The following AGAP1 variants were observed in gnomAD, a reference collection of about 807,000 sequenced individuals.
AGAP1 encodes arf-GAP with GTPase, ANK repeat and PH domain-containing protein 1.
AGAP1 carries 29 observed loss-of-function variants against 105.3 expected under a neutral mutation model. The observed-to-expected ratio is 0.28, with a 90% CI of 0.21 to 0.38. AGAP1 has a LOEUF of 0.38. Ranked by LOEUF, AGAP1 falls within the 10% of genes least tolerant of loss-of-function variation. The pLI, the probability that AGAP1 is intolerant of heterozygous loss-of-function variation, is 1.00. For missense variants in AGAP1, 998 were observed against 1,165.1 expected, an observed-to-expected ratio of 0.86 and a Z score of 2.09; for synonymous variants, 509 against 485.9, an observed-to-expected ratio of 1.05 and a Z score of -0.63.
intron 12 of AGAP1, among the ~76,000 whole-genome samples, chr2:235,947,508 TTTGCAATTGCAAATTA>T (rs1325206376): frequency 2.4e-4 from 36 of 152,376 alleles, no homozygotes; most frequent in Non-Finnish European, 4.6e-4. Flanking sequence ...GTTCCGTATT[TTTGCAATTGCAAATTA>T]TGCTGCTATA....
intron 7 of AGAP1, among the ~76,000 whole-genome samples, 162 bp downstream of exon 7, chr2:235,798,048 A>G (rs1443945456): frequency 6.6e-6 from 1 of 152,182 alleles, no homozygotes; most frequent in African/African-American, 2.4e-5. Context: ...GCTGTGGCCA[A>G]GTGATTTTTA....
In AGAP1 at chr2:235,728,326, T is replaced by TGTGTGTGTGTGTGTGTGCGTGCGCGC. The variant is rs986896995; in HGVS notation, c.310+10683_310+10684insTGTGTGTGTGTGTGTGCGTGCGCGCG. Among the ~76,000 whole-genome samples, 1 of 151,628 alleles carries TGTGTGTGTGTGTGTGTGCGTGCGCGC rather than the reference T, an allele frequency of 6.6e-6. No homozygotes were observed. Among genetic ancestry groups the TGTGTGTGTGTGTGTGTGCGTGCGCGC allele is most frequent in the African/African-American group, 2.4e-5 (1 of 41,084 alleles). On this transcript the variant is annotated intron_variant, in intron 3 of 17. Coordinates refer to ENST00000304032, the MANE Select transcript of AGAP1 (RefSeq NM_001037131.3). The surrounding 1 kb of genome is among the most constrained non-coding windows in gnomAD (Gnocchi z 4.3). ...CTGTGTGTGTGTGTGTGTGTGTGTG[T>TGTGTGTGTGTGTGTGTGCGTGCGCGC]GCGTGCTCTTAAATCAATGTAAATT...
At chr2:235,809,387 G>A (rs1288669737) in intron 9 of AGAP1, among the ~76,000 whole-genome samples, 3 of 152,126 alleles carry the variant, frequency 2.0e-5, no homozygotes, top group East Asian at 1.9e-4. Flanking sequence ...TGGGCACAGG[G>A]AGCTCCTTGT....
intron 1 of AGAP1, among the ~76,000 whole-genome samples, chr2:235,650,234 G>A (rs984147024): frequency 2.0e-5 from 3 of 152,064 alleles, no homozygotes; most frequent in African/African-American, 7.2e-5. Flanking sequence ...GGTGGTGCAC[G>A]CTTGTAATCC....
rs1205771315 is a variant in AGAP1 at position 235,589,189 on chromosome 2, G to GTTTTTTTTTTTT, written c.163+94344_163+94345insTTTTTTTTTTTT. On this transcript the variant is annotated intron_variant, in intron 1 of 17. Coordinates refer to ENST00000304032, the MANE Select transcript of AGAP1 (RefSeq NM_001037131.3). Reference sequence around the variant, plus strand: ...GAGAACTACCAGTTAATAGCTTATTGTTTTGTTTTTTTTTTTTTTTTTTTT... The same window carrying GTTTTTTTTTTTT: ...GAGAACTACCAGTTAATAGCTTATTGTTTTTTTTTTTTTTTTGTTTTTTTTTTTTTTTTTTTT... Among the ~76,000 whole-genome samples the GTTTTTTTTTTTT allele has an allele frequency of 1.3e-4, 7 of 54,924 alleles. 1 individual carries two copies. Among genetic ancestry groups the GTTTTTTTTTTTT allele is most frequent in the African/African-American group, 1.5e-4 (3 of 19,756 alleles). The allele number at this position is 54,924 out of a possible 152,430, so 36.0% of individuals were successfully genotyped here.
In AGAP1 at chr2:235,769,606, TGAA is replaced by T. The variant is rs537071981; in HGVS notation, c.673+19123_673+19125del. ...TGCGTGAGATAAGTTAGGATGCTCT[TGAA>T]GAAGTTTAGTGACATTCAGAGGAAA... On this transcript the variant is annotated intron_variant, in intron 6 of 17. Transcript: ENST00000304032. This position sits in a 1 kb window ranked among gnomAD's most constrained non-coding sequence, Gnocchi z 4.4. Among the ~76,000 whole-genome samples the T allele has an allele frequency of 4.5e-3, 683 of 152,290 alleles. 2 individuals carry two copies. The highest frequency in any genetic ancestry group is 0.01 in the Middle Eastern group (3 of 294).
chr2:235,543,986 C>T (rs1407616314), intron 1 of AGAP1, among the ~76,000 whole-genome samples: 1 of 152,184 alleles, frequency 6.6e-6, no homozygotes, highest in Admixed American at 6.5e-5. Context: ...ACTGCTGTGG[C>T]CTAGATCGGG....
chr2:235,509,452 C>G (rs542959061), intron 1 of AGAP1, among the ~76,000 whole-genome samples: 1 of 152,058 alleles, frequency 6.6e-6, no homozygotes, highest in Non-Finnish European at 1.5e-5. Flanking sequence ...AGGCTGGTCT[C>G]GAACTCCTGA....
At chr2:235,773,244 A>AAGTCATGGCCCCC (rs1315702901) in intron 6 of AGAP1, among the ~76,000 whole-genome samples, 2 of 152,152 alleles carry the variant, frequency 1.3e-5, no homozygotes, top group East Asian at 1.9e-4. Flanking sequence ...CATGCAAATG[A>AAGTCATGGCCCCC]AGTCATGGCC....
intron 8 of AGAP1, among the ~76,000 whole-genome samples, chr2:235,805,320 A>G (rs1056653700): frequency 6.6e-6 from 1 of 152,194 alleles, no homozygotes; most frequent in Non-Finnish European, 1.5e-5. Flanking sequence ...ACAGCAGGGC[A>G]ATGAGCTATT....
chr2:235,589,351 G>A (rs1484586378), intron 1 of AGAP1, among the ~76,000 whole-genome samples: 2 of 151,624 alleles, frequency 1.3e-5, no homozygotes, highest in Admixed American at 6.6e-5. Context: ...GATTACAGGC[G>A]CCTGCCACCA....
At chr2:235,571,568 C>T (rs912965890) in intron 1 of AGAP1, among the ~76,000 whole-genome samples, 2 of 152,172 alleles carry the variant, frequency 1.3e-5, no homozygotes, top group Admixed American at 1.3e-4. Context: ...TATTAACCAC[C>T]TACACTTCCT....
chr2:236,032,843 C>G (rs1181959144), intron 13 of AGAP1, among the ~76,000 whole-genome samples: 3 of 152,028 alleles, frequency 2.0e-5, no homozygotes, highest in Non-Finnish European at 4.4e-5. Context: ...AGGAAAGGAC[C>G]AGGAGCTGAA....
At position 235,754,683 on chromosome 2, in the gene AGAP1, GTGT is replaced by G. The variant is rs1207755664; in HGVS notation, c.673+4198_673+4200del. On this transcript the variant is annotated intron_variant, in intron 6 of 17. Coordinates refer to ENST00000304032, the MANE Select transcript of AGAP1 (RefSeq NM_001037131.3). This position sits in a 1 kb window ranked among gnomAD's most constrained non-coding sequence, Gnocchi z 4.6. Reference sequence around the variant, plus strand: ...GATGGCTACTGGCAAGTGGCTGTAGGTGTTGGGAAGCAGCCTAGCAGGCTGGTT... The same window carrying G: ...GATGGCTACTGGCAAGTGGCTGTAGGTGGGAAGCAGCCTAGCAGGCTGGTT... 6.6e-6 allele frequency among the ~76,000 whole-genome samples: 1 copy of G among 152,226 alleles called. No individual in the cohort carries two copies. The highest frequency in any genetic ancestry group is 1.5e-5 in the Non-Finnish European group (1 of 68,048).
rs1045349270 is a variant in AGAP1, at chr2:235,970,232, G to A, written c.1645+1609G>A. ...AAAAAAAAAAAAAAAAAAAAAAGAC[G>A]ATTTTTCTCATGTTGTGGGGAGTGA... On this transcript the variant is annotated intron_variant, in intron 13 of 17. Transcript: ENST00000304032. The surrounding 1 kb of genome is among the most constrained non-coding windows in gnomAD (Gnocchi z 5.4). Among the ~76,000 whole-genome samples the A allele has an allele frequency of 3.3e-4, 48 of 145,884 alleles. No individual in the cohort carries two copies. Among genetic ancestry groups the A allele is most frequent in the Admixed American group, 9.5e-4 (14 of 14,662 alleles).
Position 235,845,616 on chromosome 2 carries a change from C to G in AGAP1, c.1051-37729C>G, listed in dbSNP as rs1275908342. ...TTCCTTTCCTGACCCCCCCCCCGAT[C>G]TGCTTTTTAATTTCTCAGTGTATGT... is the stretch of plus-strand genomic sequence containing the variant. On this transcript the variant is annotated intron_variant, in intron 9 of 17. Transcript: ENST00000304032. This position sits in a 1 kb window ranked among gnomAD's most constrained non-coding sequence, Gnocchi z 4.8. Among the ~76,000 whole-genome samples, 4 of 144,116 alleles carry G rather than the reference C, an allele frequency of 2.8e-5. No homozygotes were observed. Among genetic ancestry groups the G allele is most frequent in the African/African-American group, 1.0e-4 (4 of 38,996 alleles). The allele number at this position is 144,116 out of a possible 152,430, so 94.5% of individuals were successfully genotyped here.
chr2:236,075,760 G>C (rs2058620181), intron 16 of AGAP1, among the ~76,000 whole-genome samples: 2 of 152,200 alleles, frequency 1.3e-5, no homozygotes, highest in South Asian at 4.1e-4. Context: ...AGGAGCCTTT[G>C]ACAAACAGCA....
At chr2:235,942,096 C>T (rs1019576077) in intron 12 of AGAP1, among the ~76,000 whole-genome samples, 1 of 152,170 alleles carries the variant, frequency 6.6e-6, no homozygotes, top group Non-Finnish European at 1.5e-5. Context: ...GCCATGACTG[C>T]TCTCATCATT....
intron 13 of AGAP1, among the ~76,000 whole-genome samples, chr2:236,017,845 T>G (rs2056758509): frequency 6.6e-6 from 1 of 152,130 alleles, no homozygotes; most frequent in Non-Finnish European, 1.5e-5. Context: ...GATGGAAAAT[T>G]GGGATTCTGA....
Sources: allele counts gnomAD v4.1 joint callset (sites outside exome capture counted in the v4.1 genomes callset), GRCh38; gene constraint gnomAD v4.1.1; non-coding constraint Gnocchi (gnomAD v3.1); transcripts MANE v1.5; gene names NCBI Gene and HGNC (gene_info 2026-07-23, HGNC 2026-07-21).